GATA1: variants seen among roughly 807,000 people sequenced by gnomAD.
GATA1 encodes GATA binding protein 1, also known as erythroid transcription factor.
GATA1 carries 2 observed loss-of-function variants against 18.9 expected under a neutral mutation model. That is an observed-to-expected ratio of 0.11 (90% CI 0.04 to 0.33). GATA1 has a LOEUF of 0.33. Among genes scored for constraint, GATA1 ranks in the 10% least tolerant of loss-of-function variants. The pLI, the probability that GATA1 is intolerant of heterozygous loss-of-function variation, is 1.00. For missense variants in GATA1, 272 were observed against 344.7 expected, an observed-to-expected ratio of 0.79 and a Z score of 1.67; for synonymous variants, 152 against 149.1, an observed-to-expected ratio of 1.02 and a Z score of -0.14.
chrX:48,793,664 T>C, intron 5 of GATA1, 129 bp from the exon 6 acceptor site: 1 of 988,002 alleles, frequency 1.0e-6, no homozygotes. Context: ...AGCCTCAGGA[T>C]TCCTTGGACA....
At chrX:48,791,603 CCAA>C (rs376785900) in intron 2 of GATA1, among the ~76,000 whole-genome samples, 3 of 111,216 alleles carry the variant, frequency 2.7e-5, no homozygotes, top group African/African-American at 9.8e-5. Context: ...GCTCCAAATC[CCAA>C]CAGTCATCCT....
chrX:48,790,377 G>A (rs941296319), intron 1 of GATA1, among the ~76,000 whole-genome samples: 5 of 111,330 alleles, frequency 4.5e-5, no homozygotes, highest in Non-Finnish European at 7.6e-5. Context: ...ATCACTGCCG[G>A]GAGGCAGTGG....
chrX:48,790,959 G>A (rs1205886726), intron 1 of GATA1, 132 bp from the exon 2 acceptor site: 5 of 477,105 alleles, frequency 1.0e-5, no homozygotes, highest in Admixed American at 2.9e-5. Context: ...GGGGGGAATG[G>A]GGAGGTGGGA....
Position 48,791,263 on chromosome X carries a change from A to G in GATA1, c.154A>G (p.Thr52Ala), listed in dbSNP as rs782294292. The stretch of plus-strand genomic sequence containing the variant: ...AGCAGCTTCCTCCACTGCCCCGAGC[A>G]CAGCCACCGCTGCAGCTGCGGCACT... ...DAAASSTAPS[T>A]ATAAAAALAY... Residue 52 changes from threonine (T) to alanine (A), a missense_variant, in exon 2 of 6, where the codon ACA becomes GCA. Physicochemically the swap from Thr to Ala is moderately conservative, Grantham distance 58. Coordinates refer to ENST00000376670, the MANE Select transcript of GATA1 (RefSeq NM_002049.4). The G allele has an allele frequency of 1.7e-6, 2 of 1,206,763 alleles. No individual in the cohort carries two copies. Among genetic ancestry groups the G allele is most frequent in the South Asian group, 1.8e-5 (1 of 55,935 alleles).
Position 48,793,788 on chromosome X carries a change from G to T in GATA1, c.871-5G>T. On this transcript the variant is annotated splice_polypyrimidine_tract_variant and splice_region_variant and intron_variant, in intron 5 of 5. Coordinates refer to ENST00000376670, the MANE Select transcript of GATA1 (RefSeq NM_002049.4). ...TGGGGACACCCGCAGCCTCCTTTTT[G>T]GCAGGTGAACCGGCCACTGACCATG... The T allele has an allele frequency of 2.5e-6, 3 of 1,210,493 alleles. No homozygotes were observed. Among genetic ancestry groups the T allele is most frequent in the Non-Finnish European group, 3.4e-6 (3 of 895,095 alleles).
intron 1 of GATA1, among the ~76,000 whole-genome samples, chrX:48,787,466 G>A (rs1321249712): frequency 1.8e-5 from 2 of 110,493 alleles, no homozygotes; most frequent in African/African-American, 6.6e-5. Context: ...CATTCTGTCT[G>A]CCCAAACAGA....
rs138483498 is a variant in GATA1, at chrX:48,793,903, C to T, written c.981C>T (p.Ala327=). 1.7e-5 allele frequency: 21 copies of T among 1,205,702 alleles called. No individual in the cohort carries two copies. Among genetic ancestry groups the T allele is most frequent in the Non-Finnish European group, 2.0e-5 (18 of 892,594 alleles). The part of the protein sequence containing the change: ...RGSSLGGTGA[A]EGPAGGFMVV... ...CCAGTCTGGGAGGCACAGGAGCAGCCGAAGGACCAGCTGGTGGCTTTATGG... is the reference window on the plus strand; with the variant it reads ...CCAGTCTGGGAGGCACAGGAGCAGCTGAAGGACCAGCTGGTGGCTTTATGG... Residue 327 remains alanine, a synonymous_variant, in exon 6 of 6, where the codon GCC becomes GCT. Transcript: ENST00000376670.
rs782599587 is a variant in GATA1, at chrX:48,794,130, C to T, written c.1208C>T (p.Thr403Ile). Reference sequence around the variant, plus strand: ...CCCACAGGCCCCATGCCCCCCACCACCAGCACTACTGTGGTGGCTCCGCTC... The same window carrying T: ...CCCACAGGCCCCATGCCCCCCACCATCAGCACTACTGTGGTGGCTCCGCTC... ...SFPTGPMPPT[T>I]STTVVAPLSS The change falls in exon 6 of 6, where the codon ACC becomes ATC. Residue 403 changes from threonine (T) to isoleucine (I), a missense_variant. Around this residue, in one of 3 missense-constraint regions of GATA1, gnomAD observed 83 missense variants for 84.2 expected, o/e 0.99. Coordinates refer to ENST00000376670, the MANE Select transcript of GATA1 (RefSeq NM_002049.4). The T allele has an allele frequency of 3.1e-5, 37 of 1,185,151 alleles. No individual in the cohort carries two copies. The highest frequency in any genetic ancestry group is 4.2e-5 in the Non-Finnish European group (37 of 882,302).
At chrX:48,791,428 A>C in intron 2 of GATA1, 99 bp downstream of exon 2, 4 of 787,565 alleles carry the variant, frequency 5.1e-6, no homozygotes, top group Non-Finnish European at 7.5e-6. Flanking sequence ...AGGATATCTC[A>C]GAAATGGCTG....
chrX:48,791,893 C>T lies in GATA1; in HGVS notation c.270C>T (p.Gly90=), dbSNP rs782069619. Residue 90 remains glycine (G), a synonymous_variant, in exon 3 of 6, where the codon GGC becomes GGT. Transcript: ENST00000376670. ...ACTGTATGGAGGGGATCCCAGGGGG[C>T]TCACCATATGCCGGCTGGGCCTACG... is the stretch of plus-strand genomic sequence containing the variant. ...LLNCMEGIPG[G]SPYAGWAYGK... The T allele has an allele frequency of 3.3e-6, 4 of 1,211,806 alleles. No individual in the cohort carries two copies. In the South Asian group the frequency reaches 7.0e-5, roughly 21 times the overall value.
At chrX:48,793,397 C>A in intron 5 of GATA1, 100 bp downstream of exon 5, 2 of 892,116 alleles carry the variant, frequency 2.2e-6, no homozygotes, top group African/African-American at 4.1e-5. Flanking sequence ...TCCCCCACAA[C>A]CCTCTTTCCT....
At chrX:48,793,623 C>G (rs1447159017) in intron 5 of GATA1, among the ~76,000 whole-genome samples, 170 bp from the exon 6 acceptor site, 1 of 108,697 alleles carries the variant, frequency 9.2e-6, no homozygotes, top group African/African-American at 3.4e-5. Context: ...TCCTATCAGC[C>G]TTGGAGGCTT....
At chrX:48,788,074 C>T (rs2062663360) in intron 1 of GATA1, among the ~76,000 whole-genome samples, 1 of 110,857 alleles carries the variant, frequency 9.0e-6, no homozygotes, top group Admixed American at 9.6e-5. Flanking sequence ...GAGGGGTGGG[C>T]AGCCCTGGAC....
In GATA1 at chrX:48,791,252, C is replaced by A. The variant is rs1223699669; in HGVS notation, c.143C>A (p.Thr48Asn). The change falls in exon 2 of 6, where the codon ACT (threonine) becomes AAT (asparagine). Residue 48 changes from threonine (T) to asparagine (N), a missense_variant. Thr to Asn is a moderately conservative substitution (Grantham distance 65). Around this residue, in one of 3 missense-constraint regions of GATA1, gnomAD observed 147 missense variants for 157.4 expected, o/e 0.93. Coordinates refer to ENST00000376670, the MANE Select transcript of GATA1 (RefSeq NM_002049.4). The part of the protein sequence containing the change: ...PEGLDAAASS[T>N]APSTATAAAA... ...GGCTTGGATGCAGCAGCTTCCTCCA[C>A]TGCCCCGAGCACAGCCACCGCTGCA... 1.7e-6 allele frequency: 2 copies of A among 1,204,344 alleles called. No homozygotes were observed. The highest frequency in any genetic ancestry group is 3.5e-5 in the African/African-American group (2 of 57,081).
chrX:48,792,998 C>A (rs1557020398), intron 4 of GATA1, among the ~76,000 whole-genome samples, 174 bp from the exon 5 acceptor site: 1 of 111,019 alleles, frequency 9.0e-6, no homozygotes, highest in African/African-American at 3.3e-5. Flanking sequence ...AAACTTATAC[C>A]AGATAGGAAC....
rs781912832 is a variant in GATA1 at position 48,791,301 on chromosome X, G to A, written c.192G>A (p.Arg64=). The part of the protein sequence containing the change: ...TAAAAALAYY[R]DAEAYRHSPV... ...CAGCTGCGGCACTGGCCTACTACAG[G>A]GACGCTGAGGCCTACAGACACTCCC... The change falls in exon 2 of 6, where the codon AGG becomes AGA. Residue 64 remains arginine (R), a synonymous_variant. Transcript: ENST00000376670. 1 of 1,204,353 alleles carries A rather than the reference G, an allele frequency of 8.3e-7. No homozygotes were observed. The highest frequency in any genetic ancestry group is 1.7e-5 in the African/African-American group (1 of 57,759).
chrX:48,793,144 A>G (rs1361096371), intron 4 of GATA1, 28 bp from the exon 5 acceptor site: 2 of 1,208,139 alleles, frequency 1.7e-6, no homozygotes, highest in African/African-American at 3.5e-5. Flanking sequence ...TCCCCAGGGC[A>G]CTGATCTCAC....
chrX:48,787,743 G>A (rs1557019421), intron 1 of GATA1, among the ~76,000 whole-genome samples: 1 of 110,858 alleles, frequency 9.0e-6, no homozygotes, highest in Non-Finnish European at 1.9e-5. Flanking sequence ...AAACCTCTCT[G>A]ACTTAACCCC....
intron 1 of GATA1, among the ~76,000 whole-genome samples, chrX:48,789,740 C>T (rs1040755819): frequency 6.3e-5 from 7 of 110,918 alleles, no homozygotes; most frequent in African/African-American, 2.0e-4. Context: ...CTGACCCCCC[C>T]CCAACCAAGA....
Sources: allele counts gnomAD v4.1 joint callset (sites outside exome capture counted in the v4.1 genomes callset), GRCh38; gene constraint gnomAD v4.1.1; regional missense constraint gnomAD v4.1.1; transcripts MANE v1.5; gene names NCBI Gene and HGNC (gene_info 2026-07-23, HGNC 2026-07-21).